DOCK4: variants seen among roughly 807,000 people sequenced by gnomAD.
The protein encoded by DOCK4 is dedicator of cytokinesis protein 4.
A neutral mutation model predicts 268.1 loss-of-function variants in DOCK4; 97 were observed. The observed-to-expected ratio is 0.36, with a 90% CI of 0.31 to 0.43. The LOEUF is 0.43. Among genes scored for constraint, DOCK4 ranks in the 20% least tolerant of loss-of-function variants. DOCK4 has a pLI of 1.00. For synonymous variants in DOCK4, 954 were observed against 887.2 expected, an observed-to-expected ratio of 1.08 and a Z score of -1.34; for missense variants, 2,145 against 2,455.7, an observed-to-expected ratio of 0.87 and a Z score of 2.67.
At position 111,742,149 on chromosome 7, in the gene DOCK4, A is replaced by C; in HGVS notation, c.4678-17T>G. On this transcript the variant is annotated splice_polypyrimidine_tract_variant and intron_variant, in intron 44 of 52. Transcript: ENST00000428084. ...AATCTGTGCCTTAATTCACAACATA[A>C]GGAAAAAACCTCACATCAATGACTA... The C allele has an allele frequency of 6.4e-7, 1 of 1,567,508 alleles. No homozygotes were observed. The highest frequency in any genetic ancestry group is 1.4e-5 in the African/African-American group (1 of 72,966).
chr7:111,900,061 AT>A (rs760170922), intron 15 of DOCK4, among the ~76,000 whole-genome samples: 78 of 152,250 alleles, frequency 5.1e-4, no homozygotes, highest in Non-Finnish European at 9.1e-4. Context: ...CAAATCAGAT[AT>A]GCATCTGAAC....
chr7:112,124,228 C>T (rs1813012603), intron 1 of DOCK4, among the ~76,000 whole-genome samples: 3 of 151,986 alleles, frequency 2.0e-5, no homozygotes, highest in Admixed American at 1.3e-4. Context: ...GTTTTGTCGT[C>T]CAGGCTGGTC....
chr7:112,052,261 G>C (rs923151480), intron 1 of DOCK4, among the ~76,000 whole-genome samples: 3 of 152,134 alleles, frequency 2.0e-5, no homozygotes. Flanking sequence ...AATGGATATA[G>C]AATGTTGACT....
intron 1 of DOCK4, among the ~76,000 whole-genome samples, chr7:112,095,822 C>T (rs937262572): frequency 6.6e-6 from 1 of 152,098 alleles, no homozygotes; most frequent in African/African-American, 2.4e-5. Flanking sequence ...TGGCTCACAC[C>T]TGCAATCCCA....
intron 30 of DOCK4, among the ~76,000 whole-genome samples, chr7:111,798,456 G>A (rs1389122796): frequency 6.6e-6 from 1 of 152,226 alleles, no homozygotes; most frequent in Non-Finnish European, 1.5e-5. Context: ...ACTGTAAGGA[G>A]TGTCTCAGAA....
chr7:111,940,422 C>G (rs1795117503), intron 10 of DOCK4, among the ~76,000 whole-genome samples, 180 bp from the exon 11 acceptor site: 1 of 152,164 alleles, frequency 6.6e-6, no homozygotes, highest in African/African-American at 2.4e-5. Context: ...AGTCACCTAG[C>G]TGTGTGACCT....
chr7:111,933,605 A>C (rs1210657077), intron 12 of DOCK4, among the ~76,000 whole-genome samples: 3 of 151,912 alleles, frequency 2.0e-5, no homozygotes, highest in Non-Finnish European at 4.4e-5. Flanking sequence ...GAGAATTGTA[A>C]TTGTTTTGTG....
chr7:112,035,102 A>T (rs1048585639), intron 1 of DOCK4, among the ~76,000 whole-genome samples: 1 of 152,064 alleles, frequency 6.6e-6, no homozygotes, highest in African/African-American at 2.4e-5. Flanking sequence ...AGTTCTCCCT[A>T]CCCTCACACC....
At chr7:111,975,938 C>T (rs560282135) in intron 8 of DOCK4, among the ~76,000 whole-genome samples, 52 of 150,792 alleles carry the variant, frequency 3.4e-4, no homozygotes, top group African/African-American at 1.1e-3. Context: ...CCAAGGCAGG[C>T]GGATCATCTG....
intron 1 of DOCK4, among the ~76,000 whole-genome samples, chr7:112,150,409 T>C (rs1450689424): frequency 6.6e-6 from 1 of 152,174 alleles, no homozygotes; most frequent in African/African-American, 2.4e-5. Flanking sequence ...CCAAGCTCTT[T>C]GAATCTGCTC....
chr7:111,818,580 G>A lies in DOCK4; in HGVS notation c.2930+3782C>T, dbSNP rs79708831. On this transcript the variant is annotated intron_variant, in intron 27 of 52. Transcript: ENST00000428084. ...CTTCTCACTACCTTCATTGCTATCC[G>A]CCCGTCCAAGTCATCATCAACATCT... Among the ~76,000 whole-genome samples the A allele has an allele frequency of 9.5e-3, 1,440 of 152,036 alleles. 30 individuals carry two copies. Among genetic ancestry groups the A allele is most frequent in the African/African-American group, 0.033 (1,352 of 41,478 alleles).
intron 1 of DOCK4, among the ~76,000 whole-genome samples, chr7:112,197,680 A>C (rs1187620643): frequency 6.6e-6 from 1 of 152,210 alleles, no homozygotes; most frequent in Non-Finnish European, 1.5e-5. Flanking sequence ...CTGCTGTTTG[A>C]AATTTGGGGT....
Position 111,944,841 on chromosome 7 carries a change from T to C in DOCK4, c.814A>G (p.Ile272Val), listed in dbSNP as rs902159844. ...DLGSSELRKD[I>V]YITVHIIRIG... ...CGGATAATGTGCACGGTGATATAAA[T>C]GTCCTTTCTTAGCTCACTGCTGCCC... Residue 272 changes from isoleucine to valine, a missense_variant, in exon 10 of 53, where the codon ATT (isoleucine) becomes GTT (valine). By Grantham distance (29) the Ile-to-Val change is conservative (BLOSUM62 3). This residue lies in a region of DOCK4 where 1,598 missense variants were observed against 1,986.7 expected (regional missense o/e 0.80). Transcript: ENST00000428084. The C allele has an allele frequency of 2.5e-6, 4 of 1,613,990 alleles. No homozygotes were observed. Among genetic ancestry groups the C allele is most frequent in the East Asian group, 2.2e-5 (1 of 44,868 alleles).
intron 35 of DOCK4, among the ~76,000 whole-genome samples, chr7:111,779,022 T>A (rs1196657223): frequency 6.6e-6 from 1 of 151,504 alleles, no homozygotes; most frequent in South Asian, 2.1e-4. Context: ...GCCACTGCAC[T>A]GCAGCCTGGT....
At chr7:112,139,735 T>G (rs1814713010) in intron 1 of DOCK4, among the ~76,000 whole-genome samples, 2 of 152,224 alleles carry the variant, frequency 1.3e-5, no homozygotes, top group South Asian at 4.1e-4. Context: ...CCAATGAAGA[T>G]GTACTAAAGA....
chr7:112,068,142 G>A (rs535277874), intron 1 of DOCK4, among the ~76,000 whole-genome samples: 2 of 151,828 alleles, frequency 1.3e-5, no homozygotes, highest in African/African-American at 2.4e-5. Flanking sequence ...TTGCTACTGG[G>A]GAGTTTGCAA....
In DOCK4 at chr7:111,790,445, A is replaced by C. The variant is rs1187540457; in HGVS notation, c.3315+12T>G. On this transcript the variant is annotated intron_variant, in intron 31 of 52. Transcript: ENST00000428084. ...AACTCTTCCAACTCTTCTGAGGAGC[A>C]CTTCTGCCTACCTGTTTAAAGTTGC... 6.2e-7 allele frequency: 1 copy of C among 1,612,702 alleles called. No homozygotes were observed. Among genetic ancestry groups the C allele is most frequent in the Non-Finnish European group, 8.5e-7 (1 of 1,179,358 alleles).
At chr7:111,843,536 T>A (rs1405554283) in intron 25 of DOCK4, among the ~76,000 whole-genome samples, 1 of 152,154 alleles carries the variant, frequency 6.6e-6, no homozygotes, top group Non-Finnish European at 1.5e-5. Flanking sequence ...TACATAGCTA[T>A]CAGAATGCTC....
intron 16 of DOCK4, among the ~76,000 whole-genome samples, chr7:111,882,726 C>T (rs1271044413): frequency 2.0e-5 from 3 of 152,056 alleles, no homozygotes; most frequent in Admixed American, 6.6e-5. Context: ...AATTCTCCTG[C>T]CTCAGCCTCC....
Sources: allele counts gnomAD v4.1 joint callset (sites outside exome capture counted in the v4.1 genomes callset), GRCh38; gene constraint gnomAD v4.1.1; regional missense constraint gnomAD v4.1.1; transcripts MANE v1.5; gene names NCBI Gene and HGNC (gene_info 2026-07-23, HGNC 2026-07-21).